The following ARHGEF10 variants were observed in gnomAD, a reference collection of about 807,000 sequenced individuals.
The protein encoded by ARHGEF10 is Rho guanine nucleotide exchange factor 10.
ARHGEF10 carries 140 observed loss-of-function variants against 147.4 expected under a neutral mutation model. The ratio of observed to expected loss-of-function variants is 0.95; its 90% confidence interval spans 0.83 to 1.09. The LOEUF (loss-of-function observed/expected upper bound fraction) is 1.09, where lower values mean the gene tolerates loss of function less well. Among genes scored for constraint, ARHGEF10 ranks in the 50% least tolerant of loss-of-function variants. ARHGEF10 has a pLI of 0.00. For synonymous variants in ARHGEF10, 902 were observed against 695.8 expected (o/e 1.30, Z -4.67); for missense variants, 2,222 against 1,752.7 (o/e 1.27, Z -4.78).
intron 16 of ARHGEF10, chr8:1,904,400 A>G (rs1239922475): frequency 6.6e-6 from 1 of 152,208 alleles, no homozygotes; most frequent in Non-Finnish European, 1.5e-5. Context: ...TTTTGTCATT[A>G]GGAGTAGTTT....
rs115597731 is a variant in ARHGEF10 at position 1,894,858 on chromosome 8, A to G, written c.1440+286A>G. Among the ~76,000 whole-genome samples, 1,462 of 152,318 alleles carry G rather than the reference A, an allele frequency of 9.6e-3. 24 individuals are homozygous for G. Among genetic ancestry groups the G allele is most frequent in the African/African-American group, 0.033 (1,391 of 41,576 alleles). On this transcript the variant is annotated intron_variant, in intron 13 of 28. Transcript: ENST00000349830. ...CACTTTATCGAGTCTTGGATGCCCC[A>G]TTAGACGATTTGCTGAAGCTTTTTG...
At chr8:1,906,649 G>C (rs4480162) in intron 17 of ARHGEF10, among the ~76,000 whole-genome samples, 37,928 of 151,886 alleles carry the variant, frequency 0.25, 5,486 homozygotes, top group African/African-American at 0.41. Context: ...AGTGTGAACT[G>C]CACATCCACC....
At position 1,926,415 on chromosome 8, in the gene ARHGEF10, T is replaced by C. The variant is rs199777041; in HGVS notation, c.2649T>C (p.Asn883=). Reference sequence around the variant, plus strand: ...CTTATAACCCTGAACCTTACCTAAATAATGAAAGCCAGCCAGATTCATTTT... The same window carrying C: ...CTTATAACCCTGAACCTTACCTAAACAATGAAAGCCAGCCAGATTCATTTT... The part of the protein sequence containing the change: ...CAAYNPEPYL[N]NESQPDSFST... Residue 883 remains asparagine (N), a synonymous_variant, in exon 23 of 29, where the codon AAT becomes AAC. Coordinates refer to ENST00000349830, the MANE Select transcript of ARHGEF10 (RefSeq NM_014629.4). 95 of 1,614,170 alleles carry C rather than the reference T, an allele frequency of 5.9e-5. 1 individual carries two copies. In the Admixed American group the frequency reaches 1.5e-3, roughly 26 times the overall value.
At chr8:1,892,914 A>C (rs1484873023) in intron 11 of ARHGEF10, among the ~76,000 whole-genome samples, 2 of 152,168 alleles carry the variant, frequency 1.3e-5, no homozygotes, top group Non-Finnish European at 2.9e-5. Context: ...TCTTACAGCC[A>C]CAAGTCTATT....
chr8:1,887,096 C>G (rs1171110153), intron 11 of ARHGEF10, among the ~76,000 whole-genome samples: 1 of 152,230 alleles, frequency 6.6e-6, no homozygotes, highest in African/African-American at 2.4e-5. Flanking sequence ...CAGTCCTCTA[C>G]TATCTGGGGC....
chr8:1,945,538 G>T lies in ARHGEF10; in HGVS notation c.3280G>T (p.Gly1094Cys). ...GGTGATCTCCCACATGGCCGTGTCC[G>T]GCGTCGGGATCTGGATTGCCTTCAC... ...GMVISHMAVS[G>C]VGIWIAFTSG... Residue 1094 changes from glycine to cysteine, a missense_variant, in exon 27 of 29, where the codon GGC becomes TGC. By Grantham distance (159) the Gly-to-Cys change is radical. Transcript: ENST00000349830. 6.2e-7 allele frequency: 1 copy of T among 1,614,084 alleles called. No homozygotes were observed. Among genetic ancestry groups the T allele is most frequent in the Non-Finnish European group, 8.5e-7 (1 of 1,179,966 alleles).
At chr8:1,833,123 G>T (rs1184655529) in intron 1 of ARHGEF10, among the ~76,000 whole-genome samples, 14 of 151,270 alleles carry the variant, frequency 9.3e-5, no homozygotes, top group Admixed American at 7.3e-4. Flanking sequence ...GGCAGAGAGA[G>T]ACAGAGGCAG....
At position 1,923,070 on chromosome 8, in the gene ARHGEF10, A is replaced by G; in HGVS notation, c.2250A>G (p.Gly750=). The G allele has an allele frequency of 6.2e-7, 1 of 1,602,970 alleles. No individual in the cohort carries two copies. The highest frequency in any genetic ancestry group is 8.5e-7 in the Non-Finnish European group (1 of 1,170,740). Residue 750 remains glycine (G), a synonymous_variant, in exon 19 of 29, where the codon GGA becomes GGG. Transcript: ENST00000349830. ...CTCAGCTGATAGGAAACCTTAAAGG[A>G]AACTATCAGGTAACAATTGAAGCAA... ...QITQLIGNLK[G]NYQNLNQSVA...
In ARHGEF10 at chr8:1,951,329, A is replaced by T. The variant is rs570572359; in HGVS notation, c.3398-1376A>T. Among the ~76,000 whole-genome samples, 8 of 152,328 alleles carry T rather than the reference A, an allele frequency of 5.3e-5. 1 individual carries two copies. Among genetic ancestry groups the T allele is most frequent in the African/African-American group, 1.9e-4 (8 of 41,582 alleles). On this transcript the variant is annotated intron_variant, in intron 27 of 28. Transcript: ENST00000349830. ...TGTTTCTCATTAGCTTTAGAAAGTA[A>T]CAGCACCGGCTTACGTACAGGACAG...
At chr8:1,897,889 G>C (rs1230466972) in intron 14 of ARHGEF10, among the ~76,000 whole-genome samples, 1 of 152,096 alleles carries the variant, frequency 6.6e-6, no homozygotes, top group Admixed American at 6.5e-5. Flanking sequence ...AGAGTCGGGT[G>C]CCCTGTGAGC....
chr8:1,901,646 G>A (rs750051086), intron 15 of ARHGEF10, among the ~76,000 whole-genome samples: 21 of 152,210 alleles, frequency 1.4e-4, no homozygotes, highest in Non-Finnish European at 2.4e-4. Flanking sequence ...GGATGCCCCC[G>A]GCTGTGCTCA....
chr8:1,839,626 GAA>G (rs1383304682), intron 1 of ARHGEF10, among the ~76,000 whole-genome samples: 3 of 145,696 alleles, frequency 2.1e-5, no homozygotes, highest in Non-Finnish European at 3.0e-5. Flanking sequence ...GTCTGGTGTG[GAA>G]GCTGTCTGGT....
chr8:1,938,838 A>G (rs879510264), intron 26 of ARHGEF10, among the ~76,000 whole-genome samples: 10 of 152,130 alleles, frequency 6.6e-5, no homozygotes, highest in Non-Finnish European at 1.2e-4. Flanking sequence ...ACACTGTGGA[A>G]TCTCAGTCCC....
At position 1,859,930 on chromosome 8, in the gene ARHGEF10, C is replaced by T. The variant is rs767664793; in HGVS notation, c.227C>T (p.Pro76Leu). The T allele has an allele frequency of 1.2e-6, 2 of 1,614,188 alleles. No homozygotes were observed. The highest frequency in any genetic ancestry group is 1.3e-5 in the African/African-American group (1 of 75,060). ...GEDGAGAETT[P>L]VAEPTKLVLP... ...GATGGAGCTGGAGCAGAAACCACCCCAGTGGCAGAGCCTACTAAGCTGGTG... is the reference window on the plus strand; with the variant it reads ...GATGGAGCTGGAGCAGAAACCACCCTAGTGGCAGAGCCTACTAAGCTGGTG... Residue 76 changes from proline (P) to leucine (L), a missense_variant, in exon 4 of 29, where the codon CCA (proline) becomes CTA (leucine). Physicochemically the swap from Pro to Leu is moderately conservative, Grantham distance 98. Coordinates refer to ENST00000349830, the MANE Select transcript of ARHGEF10 (RefSeq NM_014629.4).
intron 14 of ARHGEF10, among the ~76,000 whole-genome samples, chr8:1,897,383 C>G (rs1052533347): frequency 6.7e-6 from 1 of 149,682 alleles, no homozygotes. Context: ...CCTAAGGGAT[C>G]GGATCGCAGT....
At chr8:1,916,104 A>G (rs1429013275) in intron 18 of ARHGEF10, among the ~76,000 whole-genome samples, 2 of 152,234 alleles carry the variant, frequency 1.3e-5, no homozygotes, top group African/African-American at 4.8e-5. Context: ...AGACTCCCTC[A>G]GGAAAGTGCA....
intron 14 of ARHGEF10, 132 bp from the exon 15 acceptor site, chr8:1,898,301 T>C: frequency 1.3e-6 from 1 of 799,896 alleles, no homozygotes; most frequent in East Asian, 2.7e-5. Context: ...CCAAGTTTCT[T>C]CTTGTAGCTG....
intron 3 of ARHGEF10, 104 bp downstream of exon 3, chr8:1,858,219 C>A (rs936167304): frequency 8.6e-5 from 86 of 998,846 alleles, no homozygotes; most frequent in African/African-American, 2.5e-4. Flanking sequence ...CAGGTGAGTC[C>A]CCAGGTGAGT....
chr8:1,902,737 G>A (rs1017294017), intron 15 of ARHGEF10, among the ~76,000 whole-genome samples: 2 of 152,180 alleles, frequency 1.3e-5, no homozygotes, highest in South Asian at 2.1e-4. Context: ...TCGGATGAAC[G>A]TTTAGTGACA....
Sources: gnomAD v4.1 joint callset for allele counts (sites outside exome capture counted in the v4.1 genomes callset) on GRCh38, gnomAD v4.1.1 for gene constraint, MANE v1.5 for transcripts, NCBI Gene and HGNC (gene_info 2026-07-23, HGNC 2026-07-21) for gene names.